Variants in AP1G1 observed in about 807,000 individuals in gnomAD.
The protein encoded by AP1G1 is adaptor related protein complex 1 subunit gamma 1, also known as AP-1 complex subunit gamma-1.
A neutral mutation model predicts 108.3 loss-of-function variants in AP1G1; 7 were observed. That is an observed-to-expected ratio of 0.06 (90% confidence interval 0.04 to 0.12). The LOEUF (loss-of-function observed/expected upper bound fraction) is 0.12, where lower values mean the gene tolerates loss of function less well. Among genes scored for constraint, AP1G1 ranks in the 10% least tolerant of loss-of-function variants. The pLI, the probability that AP1G1 is intolerant of heterozygous loss-of-function variation, is 1.00. For missense variants in AP1G1, 756 were observed against 1,010.7 expected (o/e 0.75, Z 3.42); for synonymous variants, 379 against 353.5 (o/e 1.07, Z -0.81).
At position 71,732,948 on chromosome 16, in the gene AP1G1, C is replaced by T; in HGVS notation, c.*110G>A. On this transcript the variant is annotated 3_prime_UTR_variant, in exon 23 of 23. Transcript: ENST00000299980. ...GAAAATCCTCCTCAGCAGTTCTCTT[C>T]AGCTCCTCATGCCCGTGGTACAGTT... is the stretch of plus-strand genomic sequence containing the variant. 1 of 798,886 alleles carries T rather than the reference C, an allele frequency of 1.3e-6. No individual in the cohort carries two copies. Among genetic ancestry groups the T allele is most frequent in the Non-Finnish European group, 2.0e-6 (1 of 492,428 alleles). 49.5% of individuals were successfully genotyped at this position (798,886 alleles called of 1,614,324 possible).
rs1469459465 is a variant in AP1G1 at position 71,731,632 on chromosome 16, C to G, written c.*1426G>C. The G allele has an allele frequency of 6.6e-6, 1 of 152,480 alleles. No homozygotes were observed. The highest frequency in any genetic ancestry group is 1.5e-5 in the Non-Finnish European group (1 of 68,024). 9.4% of individuals were successfully genotyped at this position (152,480 alleles called of 1,614,324 possible). ...CAGAGAGAGTCACCTCTACTTCATTCCAGCAACTCAATTTCAAAGTTTGAT... is the reference window on the plus strand; with the variant it reads ...CAGAGAGAGTCACCTCTACTTCATTGCAGCAACTCAATTTCAAAGTTTGAT... On this transcript the variant is annotated 3_prime_UTR_variant, in exon 23 of 23. Transcript: ENST00000299980.
At chr16:71,758,082 A>G (rs1383549200) in intron 11 of AP1G1, among the ~76,000 whole-genome samples, 1 of 152,222 alleles carries the variant, frequency 6.6e-6, no homozygotes, top group Non-Finnish European at 1.5e-5. Context: ...AGCACCTTTT[A>G]TTTGTACCTG....
chr16:71,772,273 G>A (rs997206068), intron 4 of AP1G1, among the ~76,000 whole-genome samples: 3 of 151,958 alleles, frequency 2.0e-5, no homozygotes, highest in South Asian at 4.2e-4. Flanking sequence ...GACTACAGGC[G>A]CCCGCCACCA....
chr16:71,782,408 C>T (rs1340541779), intron 2 of AP1G1, among the ~76,000 whole-genome samples: 1 of 151,920 alleles, frequency 6.6e-6, no homozygotes, highest in Admixed American at 6.6e-5. Flanking sequence ...AAGCAATCTG[C>T]CCGCCTCAGC....
At chr16:71,735,305 T>A (rs2045519955) in intron 21 of AP1G1, among the ~76,000 whole-genome samples, 1 of 152,224 alleles carries the variant, frequency 6.6e-6, no homozygotes, top group Admixed American at 6.5e-5. Flanking sequence ...AAGACCTAGA[T>A]AAGCCAAACA....
At chr16:71,796,780 A>C (rs763011223) in intron 1 of AP1G1, among the ~76,000 whole-genome samples, 1 of 152,148 alleles carries the variant, frequency 6.6e-6, no homozygotes, top group Non-Finnish European at 1.5e-5. Flanking sequence ...TTTTATGCTT[A>C]ATTATCCATA....
chr16:71,800,608 T>C (rs1369221204), intron 1 of AP1G1, among the ~76,000 whole-genome samples: 2 of 150,988 alleles, frequency 1.3e-5, no homozygotes, highest in Non-Finnish European at 1.5e-5. Context: ...GAGACCATCC[T>C]GGCTAACATG....
At chr16:71,792,726 C>T (rs1399729410) in intron 1 of AP1G1, among the ~76,000 whole-genome samples, 1 of 152,102 alleles carries the variant, frequency 6.6e-6, no homozygotes, top group Non-Finnish European at 1.5e-5. Flanking sequence ...TGGTGGCGCA[C>T]ACCTGTGATC....
chr16:71,742,059 CTT>C (rs539728855), intron 19 of AP1G1, among the ~76,000 whole-genome samples: 90 of 152,096 alleles, frequency 5.9e-4, no homozygotes, highest in East Asian at 3.7e-3. Flanking sequence ...AATTTTAAAA[CTT>C]AATGTAAAAA....
At chr16:71,786,149 T>C (rs1250201937) in intron 2 of AP1G1, among the ~76,000 whole-genome samples, 1 of 152,196 alleles carries the variant, frequency 6.6e-6, no homozygotes, top group Non-Finnish European at 1.5e-5. Flanking sequence ...GAGCATTTAC[T>C]TTCTAAGAAT....
intron 2 of AP1G1, among the ~76,000 whole-genome samples, chr16:71,775,505 T>C (rs1246903959): frequency 6.6e-6 from 1 of 152,158 alleles, no homozygotes; most frequent in Non-Finnish European, 1.5e-5. Context: ...AGAAGTATTA[T>C]AAGAGATTAA....
Position 71,787,454 on chromosome 16 carries a change from G to A in AP1G1, c.201+1825C>T, listed in dbSNP as rs762785630. The stretch of plus-strand genomic sequence containing the variant: ...GACAGTGAGCCATCACAGAGCCACA[G>A]CATGGGCCATAGAGCAAGACCCTGC... On this transcript the variant is annotated intron_variant, in intron 2 of 22. Coordinates refer to ENST00000299980, the MANE Select transcript of AP1G1 (RefSeq NM_001128.6). Among the ~76,000 whole-genome samples the A allele has an allele frequency of 5.5e-4, 83 of 152,240 alleles. 1 individual carries two copies. Among genetic ancestry groups the A allele is most frequent in the South Asian group, 6.2e-4 (3 of 4,828 alleles).
In AP1G1 at chr16:71,734,723, G is replaced by C. The variant is rs1185439798; in HGVS notation, c.2269-16C>G. ...GCTGGAATGTCTAGGGGGGAACAAA[G>C]GGCACTCTTCAGAAAAAGAATTACA... On this transcript the variant is annotated splice_polypyrimidine_tract_variant and intron_variant, in intron 21 of 22. Transcript: ENST00000299980. The C allele has an allele frequency of 6.3e-7, 1 of 1,598,852 alleles. No homozygotes were observed. The highest frequency in any genetic ancestry group is 2.2e-5 in the East Asian group (1 of 44,786).
chr16:71,769,104 G>A (rs963283120), intron 6 of AP1G1, among the ~76,000 whole-genome samples: 7 of 150,694 alleles, frequency 4.6e-5, no homozygotes, highest in Non-Finnish European at 4.4e-5. Context: ...CCAACATGGT[G>A]AAACCCCGAC....
rs2045459954 is a variant in AP1G1 at position 71,729,654 on chromosome 16, G to A, written c.*3404C>T. 1 of 152,538 alleles carries A rather than the reference G, an allele frequency of 6.6e-6. No individual in the cohort carries two copies. Among genetic ancestry groups the A allele is most frequent in the South Asian group, 2.1e-4 (1 of 4,818 alleles). The allele number at this position is 152,538 out of a possible 1,614,324, so 9.4% of individuals were successfully genotyped here. On this transcript the variant is annotated 3_prime_UTR_variant, in exon 23 of 23. Coordinates refer to ENST00000299980, the MANE Select transcript of AP1G1 (RefSeq NM_001128.6). ...GCCCCACTCTCCCGAGCCAAAGCTG[G>A]TCAAAAGTGTTTTAAACTTCAGGAC...
Position 71,799,625 on chromosome 16 carries a change from G to A in AP1G1, c.-4+9138C>T, listed in dbSNP as rs114572730. On this transcript the variant is annotated intron_variant, in intron 1 of 22. Transcript: ENST00000299980. Reference sequence around the variant, plus strand: ...TCTTATTAAAAAACTAATAGGCTGGGAGCGGTGGCTCACACCTGTAATCCC... The same window carrying A: ...TCTTATTAAAAAACTAATAGGCTGGAAGCGGTGGCTCACACCTGTAATCCC... Among the ~76,000 whole-genome samples, 841 of 152,150 alleles carry A rather than the reference G, an allele frequency of 5.5e-3. 13 individuals are homozygous for A. Among genetic ancestry groups the A allele is most frequent in the African/African-American group, 0.02 (810 of 41,536 alleles).
chr16:71,808,750 G>C lies in AP1G1; in HGVS notation c.-4+13C>G, dbSNP rs1409125879. ...AGCAGCAATATGCTCTCAGCGCCGG[G>C]AGTGACACTCACCGGCCCGAAACCT... is the stretch of plus-strand genomic sequence containing the variant. On this transcript the variant is annotated intron_variant, in intron 1 of 22. Transcript: ENST00000299980. 26 of 1,289,398 alleles carry C rather than the reference G, an allele frequency of 2.0e-5. No individual in the cohort carries two copies. The highest frequency in any genetic ancestry group is 2.5e-5 in the Non-Finnish European group (25 of 988,540). 79.9% of individuals were successfully genotyped at this position (1,289,398 alleles called of 1,614,324 possible). A position where few individuals can be genotyped will look rare whatever the true frequency, so the allele number is the denominator to read the frequency against.
chr16:71,734,463 A>G (rs891985135), intron 22 of AP1G1, 146 bp downstream of exon 22: 4 of 669,924 alleles, frequency 6.0e-6, no homozygotes, highest in East Asian at 5.2e-5. Flanking sequence ...GTTATTTACA[A>G]AAGAGCAAGG....
chr16:71,760,571 GT>G (rs2031037996), intron 10 of AP1G1, among the ~76,000 whole-genome samples: 2 of 151,624 alleles, frequency 1.3e-5, no homozygotes, highest in African/African-American at 4.8e-5. Flanking sequence ...AAGAAACAGG[GT>G]CTCTCTGTGT....
Sources: gnomAD v4.1 joint callset for allele counts (sites outside exome capture counted in the v4.1 genomes callset) on GRCh38, gnomAD v4.1.1 for gene constraint, MANE v1.5 for transcripts, NCBI Gene and HGNC (gene_info 2026-07-23, HGNC 2026-07-21) for gene names.